Variants in CRX observed in about 807,000 individuals in gnomAD.
CRX encodes the protein cone-rod homeobox protein.
Under a neutral mutation model 13.1 loss-of-function variants are expected in CRX, and 5 were observed. The observed-to-expected ratio is 0.38, with a 90% CI of 0.20 to 0.80. The LOEUF (loss-of-function observed/expected upper bound fraction) is 0.80, where lower values mean the gene tolerates loss of function less well. CRX is among the 30% of genes least tolerant of loss of function. CRX has a pLI of 0.43. For missense variants in CRX, 351 were observed against 391.8 expected (o/e 0.90, Z 0.88); for synonymous variants, 179 against 171.1 (o/e 1.05, Z -0.36).
chr19:47,837,856 ATGTG>A (rs1197229553), intron 3 of CRX, among the ~76,000 whole-genome samples: 1 of 152,084 alleles, frequency 6.6e-6, no homozygotes, highest in Non-Finnish European at 1.5e-5. Context: ...GGACTGGTGA[ATGTG>A]TGTATGACAT....
At chr19:47,835,490 T>C (rs572565536) in intron 2 of CRX, among the ~76,000 whole-genome samples, 2 of 152,058 alleles carry the variant, frequency 1.3e-5, no homozygotes, top group Admixed American at 1.3e-4. Context: ...GTTCAAGTGA[T>C]TCTCCTGCCT....
intron 3 of CRX, among the ~76,000 whole-genome samples, chr19:47,837,205 C>T (rs1025957589): frequency 3.9e-5 from 6 of 152,154 alleles, no homozygotes; most frequent in Non-Finnish European, 5.9e-5. Context: ...CTCGCTCTGT[C>T]GCCCAGGCTG....
At chr19:47,834,345 C>A (rs1056266334) in intron 1 of CRX, 64 bp from the exon 2 acceptor site, 5 of 930,798 alleles carry the variant, frequency 5.4e-6, no homozygotes, top group Non-Finnish European at 8.9e-6. Flanking sequence ...TGAATCGCAG[C>A]CTGCACGTCA....
intron 1 of CRX, among the ~76,000 whole-genome samples, chr19:47,823,649 G>GTTTTTT (rs58548004): frequency 7.7e-6 from 1 of 129,572 alleles, no homozygotes; most frequent in African/African-American, 3.0e-5. Context: ...CATGAGTCTG[G>GTTTTTT]TTTTTTTTTT....
intron 1 of CRX, among the ~76,000 whole-genome samples, chr19:47,825,993 A>C (rs1352015302): frequency 6.6e-6 from 1 of 152,198 alleles, no homozygotes; most frequent in Non-Finnish European, 1.5e-5. Flanking sequence ...CTTTCCTGGA[A>C]GGTTAACTGC....
At position 47,842,754 on chromosome 19, in the gene CRX, T is replaced by C. The variant is rs918814741; in HGVS notation, c.*2787T>C. ...ATTGTGCCCTGGGTCTGTGCAAACG[T>C]TGGGACCAGAATCCACTATAAGTTT... is the stretch of plus-strand genomic sequence containing the variant. On this transcript the variant is annotated 3_prime_UTR_variant, in exon 4 of 4. Coordinates refer to ENST00000221996, the MANE Select transcript of CRX (RefSeq NM_000554.6). The C allele has an allele frequency of 6.6e-6, 1 of 152,056 alleles. No homozygotes were observed. The highest frequency in any genetic ancestry group is 2.4e-5 in the African/African-American group (1 of 41,370). 9.4% of individuals were successfully genotyped at this position (152,056 alleles called of 1,614,324 possible). A position where few individuals can be genotyped will look rare whatever the true frequency, so the allele number is the denominator to read the frequency against.
intron 3 of CRX, among the ~76,000 whole-genome samples, chr19:47,837,395 G>A (rs1417647251): frequency 1.3e-5 from 2 of 152,166 alleles, no homozygotes. Flanking sequence ...TCAAACTCCT[G>A]ACCTCAGGCA....
At chr19:47,824,668 C>T (rs1353916284) in intron 1 of CRX, among the ~76,000 whole-genome samples, 1 of 152,116 alleles carries the variant, frequency 6.6e-6, no homozygotes, top group Admixed American at 6.6e-5. Flanking sequence ...GAGTTATCTG[C>T]ATGTCTGCCC....
At position 47,830,484 on chromosome 19, in the gene CRX, C is replaced by T. The variant is rs1028583366; in HGVS notation, c.-35-3925C>T. Among the ~76,000 whole-genome samples, 3 of 152,188 alleles carry T rather than the reference C, an allele frequency of 2.0e-5. No homozygotes were observed. In the South Asian group the frequency reaches 6.2e-4, roughly 31 times the overall value. ...TTGGGAGGCTGAGGTGGGTGGATCA[C>T]GAGGTCAAGAGATTGAGACCATCCT... is the stretch of plus-strand genomic sequence containing the variant. On this transcript the variant is annotated intron_variant, in intron 1 of 3. Transcript: ENST00000221996.
intron 2 of CRX, among the ~76,000 whole-genome samples, chr19:47,835,543 C>G (rs537867730): frequency 1.3e-5 from 2 of 151,774 alleles, no homozygotes; most frequent in Non-Finnish European, 2.9e-5. Context: ...CACCACCATG[C>G]CCGGCCAATT....
intron 1 of CRX, among the ~76,000 whole-genome samples, chr19:47,831,059 A>G (rs1483532802): frequency 1.3e-5 from 2 of 152,214 alleles, no homozygotes; most frequent in Admixed American, 6.6e-5. Flanking sequence ...CTGTAATCCC[A>G]GCACTTTGGG....
intron 1 of CRX, among the ~76,000 whole-genome samples, chr19:47,823,499 G>A (rs60819212): frequency 0.11 from 16,293 of 152,180 alleles, 1,178 homozygotes; most frequent in Non-Finnish European, 0.14. Flanking sequence ...GGCCGGCAGT[G>A]GGTGCATCCA....
rs139724639 is a variant in CRX at position 47,822,742 on chromosome 19, G to T, written c.-36+732G>T. ...GGGACTGGGGAATCCTCACGCCCCC[G>T]CCCTCTTAGCTTCCAGCACAGTCAC... On this transcript the variant is annotated intron_variant, in intron 1 of 3. Coordinates refer to ENST00000221996, the MANE Select transcript of CRX (RefSeq NM_000554.6). Among the ~76,000 whole-genome samples the T allele has an allele frequency of 5.3e-5, 8 of 152,234 alleles. No individual in the cohort carries two copies. The East Asian group carries it at 1.4e-3, about 26-fold the overall frequency.
rs183486305 is a variant in CRX, at chr19:47,837,958, G to A, written c.253-1362G>A. The stretch of plus-strand genomic sequence containing the variant: ...TGTATGTATGTATAATTGTATGCGT[G>A]TATGTTTGTATGCTGTAGGTATGAT... On this transcript the variant is annotated intron_variant, in intron 3 of 3. Transcript: ENST00000221996. Among the ~76,000 whole-genome samples, 665 of 152,192 alleles carry A rather than the reference G, an allele frequency of 4.4e-3. 5 individuals are homozygous for A. Among genetic ancestry groups the A allele is most frequent in the African/African-American group, 0.015 (605 of 41,508 alleles).
chr19:47,833,313 G>T (rs140950965), intron 1 of CRX, among the ~76,000 whole-genome samples: 12,757 of 150,752 alleles, frequency 0.085, 598 homozygotes, highest in African/African-American at 0.13. Context: ...ACAGAGTCTC[G>T]CTCTGTCGCC....
chr19:47,822,557 G>C (rs1477972120), intron 1 of CRX, among the ~76,000 whole-genome samples: 2 of 152,150 alleles, frequency 1.3e-5, no homozygotes, highest in Non-Finnish European at 2.9e-5. Flanking sequence ...TATACGCAGA[G>C]AGCCCAGGTC....
At chr19:47,837,141 A>G (rs2123740598) in intron 3 of CRX, among the ~76,000 whole-genome samples, 1 of 152,324 alleles carries the variant, frequency 6.6e-6, no homozygotes, top group Non-Finnish European at 1.5e-5. Context: ...ACATGTATGT[A>G]TACATGCTTG....
intron 3 of CRX, among the ~76,000 whole-genome samples, chr19:47,838,725 A>G (rs1242115917): frequency 6.6e-6 from 1 of 152,024 alleles, no homozygotes; most frequent in Non-Finnish European, 1.5e-5. Flanking sequence ...GCATGTTTGT[A>G]TTAGATGGGT....
rs1967916983 is a variant in CRX at position 47,821,951 on chromosome 19, T to G, written c.-95T>G. On this transcript the variant is annotated 5_prime_UTR_variant, in exon 1 of 4. Coordinates refer to ENST00000221996, the MANE Select transcript of CRX (RefSeq NM_000554.6). The stretch of plus-strand genomic sequence containing the variant: ...GGGATGTGTTTCCTTCAGCCTCTGC[T>G]GTCTGGCCGCTCTGTCTAGGTCCTG... 6.5e-6 allele frequency: 1 copy of G among 152,700 alleles called. No individual in the cohort carries two copies. Among genetic ancestry groups the G allele is most frequent in the Non-Finnish European group, 1.5e-5 (1 of 68,110 alleles). The allele number at this position is 152,700 out of a possible 1,614,324, so 9.5% of individuals were successfully genotyped here. A position where few individuals can be genotyped will look rare whatever the true frequency, so the allele number is the denominator to read the frequency against.
Sources: gnomAD v4.1 joint callset for allele counts (sites outside exome capture counted in the v4.1 genomes callset) on GRCh38, gnomAD v4.1.1 for gene constraint, MANE v1.5 for transcripts, NCBI Gene and HGNC (gene_info 2026-07-23, HGNC 2026-07-21) for gene names.